CCDC27: variants seen among roughly 807,000 people sequenced by gnomAD.
The protein encoded by CCDC27 is coiled-coil domain-containing protein 27.
CCDC27 carries 80 observed loss-of-function variants against 80.3 expected under a neutral mutation model. The observed-to-expected ratio is 1.00, with a 90% CI of 0.83 to 1.20. CCDC27 has a LOEUF of 1.20. CCDC27 is among the 50% of genes most tolerant of loss of function. CCDC27 has a pLI of 0.00. For missense variants in CCDC27, 815 were observed against 809.4 expected, an observed-to-expected ratio of 1.01 and a Z score of -0.08; for synonymous variants, 342 against 334.3, an observed-to-expected ratio of 1.02 and a Z score of -0.25.
Position 3,769,662 on chromosome 1 carries a change from A to G in CCDC27, c.1744-121A>G, listed in dbSNP as rs886580062. The G allele has an allele frequency of 4.2e-6, 3 of 710,430 alleles. No homozygotes were observed. The highest frequency in any genetic ancestry group is 7.7e-6 in the Non-Finnish European group (3 of 389,982). 44.0% of individuals were successfully genotyped at this position (710,430 alleles called of 1,614,324 possible). A position where few individuals can be genotyped will look rare whatever the true frequency, so the allele number is the denominator to read the frequency against. On this transcript the variant is annotated intron_variant, in intron 10 of 11. Transcript: ENST00000294600. The surrounding 1 kb of genome is among the most constrained non-coding windows in gnomAD (Gnocchi z 4.6). Reference sequence around the variant, plus strand: ...CCTGTTTCCAGTTTCTAAAGCCATGAAAAGTGAGGGTGAGCTGTTCCTTCC... The same window carrying G: ...CCTGTTTCCAGTTTCTAAAGCCATGGAAAGTGAGGGTGAGCTGTTCCTTCC...
chr1:3,752,523 G>T lies in CCDC27; in HGVS notation c.42G>T (p.Leu14=), dbSNP rs1642844691. Residue 14 remains leucine (L), a synonymous_variant, in exon 1 of 12, where the codon CTG becomes CTT. Coordinates refer to ENST00000294600, the MANE Select transcript of CCDC27 (RefSeq NM_152492.3). The part of the protein sequence containing the change: ...AIFPSTPQAR[L]KRDPREKPGL... The stretch of plus-strand genomic sequence containing the variant: ...TCCCCTCCACACCCCAAGCCAGGCT[G>T]AAGAGAGATCCACGGGAAAAGCCGG... The T allele has an allele frequency of 1.9e-6, 3 of 1,614,162 alleles. No individual in the cohort carries two copies. The highest frequency in any genetic ancestry group is 2.5e-6 in the Non-Finnish European group (3 of 1,180,040).
In CCDC27 at chr1:3,761,418, C is replaced by T. The variant is rs2124593507; in HGVS notation, c.849C>T (p.Ser283=). The T allele has an allele frequency of 6.2e-7, 1 of 1,613,734 alleles. No individual in the cohort carries two copies. The highest frequency in any genetic ancestry group is 1.1e-5 in the South Asian group (1 of 91,068). The change falls in exon 5 of 12, where the codon TCC becomes TCT. Residue 283 remains serine, a synonymous_variant. Transcript: ENST00000294600. The surrounding 1 kb of genome is among the most constrained non-coding windows in gnomAD (Gnocchi z 5.0). ...GCAAAGGCCAAGAGACATCCATGTC[C>T]CCAGGCAGGAGGGTGAGCCAGCCCC... The part of the protein sequence containing the change: ...LKGKGQETSM[S]PGRREQLSDA...
intron 5 of CCDC27, among the ~76,000 whole-genome samples, chr1:3,762,078 C>T (rs1413751940): frequency 6.6e-6 from 1 of 152,108 alleles, no homozygotes; most frequent in South Asian, 2.1e-4. Context: ...TGCCCAGGGG[C>T]GGTCACCTGA....
chr1:3,761,678 C>T lies in CCDC27; in HGVS notation c.861+248C>T, dbSNP rs537602696. Among the ~76,000 whole-genome samples the T allele has an allele frequency of 3.3e-5, 5 of 152,018 alleles. No homozygotes were observed. The highest frequency in any genetic ancestry group is 6.6e-5 in the Admixed American group (1 of 15,262). On this transcript the variant is annotated intron_variant, in intron 5 of 11. Coordinates refer to ENST00000294600, the MANE Select transcript of CCDC27 (RefSeq NM_152492.3). This position sits in a 1 kb window ranked among gnomAD's most constrained non-coding sequence, Gnocchi z 5.0. Reference sequence around the variant, plus strand: ...CAGGGGGGGGAGAGATGAATGGAGGCGCAAAATGACAAATGAGAGCCGTGA... The same window carrying T: ...CAGGGGGGGGAGAGATGAATGGAGGTGCAAAATGACAAATGAGAGCCGTGA...
chr1:3,767,236 G>C lies in CCDC27; in HGVS notation c.1534G>C (p.Val512Leu), dbSNP rs757531087. ...EKDNQLLRQQ[V>L]SELERKLTKR... ...TTTTCTCCCCGGCTGTCCCCAGCAA[G>C]TGTCGGAACTGGAGAGAAAGCTCAC... The change falls in exon 10 of 12, where the codon GTG becomes CTG. Residue 512 changes from valine (V) to leucine (L), a missense_variant. Val to Leu is a conservative substitution (Grantham distance 32, BLOSUM62 1). Transcript: ENST00000294600. 1 of 1,613,804 alleles carries C rather than the reference G, an allele frequency of 6.2e-7. No individual in the cohort carries two copies. Among genetic ancestry groups the C allele is most frequent in the Non-Finnish European group, 8.5e-7 (1 of 1,179,868 alleles).
intron 3 of CCDC27, chr1:3,756,507 T>A (rs1292529137): frequency 4.3e-6 from 2 of 468,266 alleles, no homozygotes; most frequent in Non-Finnish European, 7.8e-6. Flanking sequence ...CTGCACTCCC[T>A]CAGCACGCGC....
At chr1:3,762,395 G>T (rs1428756241) in intron 5 of CCDC27, among the ~76,000 whole-genome samples, 1 of 152,158 alleles carries the variant, frequency 6.6e-6, no homozygotes, top group Non-Finnish European at 1.5e-5. Context: ...GCTGGGGGCT[G>T]CTCTGGGGGT....
Position 3,755,642 on chromosome 1 carries a change from T to A in CCDC27, c.553+75T>A. ...CGAGGCCTGCTTCTTGCAGGGTCGC[T>A]GCTTGTGCCCTGCGGAATTCCCTCC... On this transcript the variant is annotated intron_variant, in intron 3 of 11. Coordinates refer to ENST00000294600, the MANE Select transcript of CCDC27 (RefSeq NM_152492.3). 3.2e-6 allele frequency: 4 copies of A among 1,261,076 alleles called. No homozygotes were observed. In the South Asian group the frequency reaches 4.8e-5, roughly 15 times the overall value. The allele number at this position is 1,261,076 out of a possible 1,614,324, so 78.1% of individuals were successfully genotyped here. A position where few individuals can be genotyped will look rare whatever the true frequency, so the allele number is the denominator to read the frequency against.
At position 3,763,019 on chromosome 1, in the gene CCDC27, T is replaced by A; in HGVS notation, c.955-89T>A. The A allele has an allele frequency of 7.1e-7, 1 of 1,402,114 alleles. No homozygotes were observed. Among genetic ancestry groups the A allele is most frequent in the Non-Finnish European group, 9.3e-7 (1 of 1,070,340 alleles). 86.9% of individuals were successfully genotyped at this position (1,402,114 alleles called of 1,614,324 possible). A position where few individuals can be genotyped will look rare whatever the true frequency, so the allele number is the denominator to read the frequency against. On this transcript the variant is annotated intron_variant, in intron 6 of 11. Coordinates refer to ENST00000294600, the MANE Select transcript of CCDC27 (RefSeq NM_152492.3). The surrounding 1 kb of genome is among the most constrained non-coding windows in gnomAD (Gnocchi z 7.5). ...TGCAGCAGCCTGGAAGGAGGCGCCC[T>A]CCCCGGTGCCCCCGCCATGAGCATT...
chr1:3,761,325 C>T lies in CCDC27; in HGVS notation c.756C>T (p.Asp252=), dbSNP rs777553154. 2.7e-5 allele frequency: 44 copies of T among 1,613,998 alleles called. 2 individuals are homozygous for T. The South Asian group carries it at 3.4e-4, about 12-fold the overall frequency. The change falls in exon 5 of 12, where the codon GAC becomes GAT. Residue 252 remains aspartate (D), a synonymous_variant. Transcript: ENST00000294600. The surrounding 1 kb of genome is among the most constrained non-coding windows in gnomAD (Gnocchi z 5.0). ...SELEIQVQKK[D]EEILLLQEER... The stretch of plus-strand genomic sequence containing the variant: ...TGGAGATACAGGTTCAGAAGAAAGA[C>T]GAGGAGATCCTGCTGCTCCAGGAGG...
chr1:3,762,514 T>TC, intron 5 of CCDC27, 106 bp from the exon 6 acceptor site: 3 of 860,868 alleles, frequency 3.5e-6, no homozygotes, highest in Non-Finnish European at 5.4e-6. Context: ...GCAGGTCCCC[T>TC]CCCCAGACAT....
chr1:3,766,086 A>G lies in CCDC27; in HGVS notation c.1453-449A>G, dbSNP rs1643221171. Among the ~76,000 whole-genome samples the G allele has an allele frequency of 6.6e-6, 1 of 152,082 alleles. No individual in the cohort carries two copies. The highest frequency in any genetic ancestry group is 6.6e-5 in the Admixed American group (1 of 15,262). Reference sequence around the variant, plus strand: ...GATCTATGTTACCCACGCTTCTCTCAAATTCCCGACCTCAAGTGATCCACC... The same window carrying G: ...GATCTATGTTACCCACGCTTCTCTCGAATTCCCGACCTCAAGTGATCCACC... On this transcript the variant is annotated intron_variant, in intron 8 of 11. Coordinates refer to ENST00000294600, the MANE Select transcript of CCDC27 (RefSeq NM_152492.3). This position sits in a 1 kb window ranked among gnomAD's most constrained non-coding sequence, Gnocchi z 6.1.
chr1:3,771,230 C>A (rs1164360205), intron 11 of CCDC27, among the ~76,000 whole-genome samples, 171 bp from the exon 12 acceptor site: 1 of 152,158 alleles, frequency 6.6e-6, no homozygotes, highest in Non-Finnish European at 1.5e-5. Flanking sequence ...TTTTTCTCCC[C>A]CTGGAGAGCC....
At chr1:3,767,126 A>C (rs1181873) in intron 9 of CCDC27, 107 bp from the exon 10 acceptor site, 414,192 of 990,794 alleles carry the variant, frequency 0.42, 92,798 homozygotes, top group African/African-American at 0.64. Context: ...GGCGTGAGCC[A>C]CTGCACCTGG....
chr1:3,766,470 G>T lies in CCDC27; in HGVS notation c.1453-65G>T. 2 of 1,154,168 alleles carry T rather than the reference G, an allele frequency of 1.7e-6. No individual in the cohort carries two copies. The highest frequency in any genetic ancestry group is 2.4e-5 in the East Asian group (1 of 41,948). The allele number at this position is 1,154,168 out of a possible 1,614,324, so 71.5% of individuals were successfully genotyped here. A position where few individuals can be genotyped will look rare whatever the true frequency, so the allele number is the denominator to read the frequency against. The stretch of plus-strand genomic sequence containing the variant: ...CTTTGGGGAAGGAAAAAAGTTAGAT[G>T]CCGGAATTCAGTCTGTTATCTAAAC... On this transcript the variant is annotated intron_variant, in intron 8 of 11. Coordinates refer to ENST00000294600, the MANE Select transcript of CCDC27 (RefSeq NM_152492.3). This position sits in a 1 kb window ranked among gnomAD's most constrained non-coding sequence, Gnocchi z 6.1.
At chr1:3,770,345 T>C (rs990521230) in intron 11 of CCDC27, among the ~76,000 whole-genome samples, 2 of 151,898 alleles carry the variant, frequency 1.3e-5, no homozygotes, top group African/African-American at 4.8e-5. Context: ...TGACCAGGGG[T>C]CCCCAAGCAA....
intron 3 of CCDC27, 181 bp from the exon 4 acceptor site, chr1:3,756,552 C>T: frequency 3.3e-6 from 2 of 610,354 alleles, no homozygotes; most frequent in Non-Finnish European, 5.7e-6. Context: ...GTGTTCACAG[C>T]AGCACCACAC....
chr1:3,762,729 G>C lies in CCDC27; in HGVS notation c.954+17G>C. 6.5e-7 allele frequency: 1 copy of C among 1,546,364 alleles called. No individual in the cohort carries two copies. Among genetic ancestry groups the C allele is most frequent in the Non-Finnish European group, 8.7e-7 (1 of 1,144,736 alleles). On this transcript the variant is annotated intron_variant, in intron 6 of 11. Coordinates refer to ENST00000294600, the MANE Select transcript of CCDC27 (RefSeq NM_152492.3). ...TGGTGGCAGGTGCGGGCCGCCTGGA[G>C]AGCAGGCACGCAGTGGGGGACCCGG...
rs201366792 is a variant in CCDC27 at position 3,763,515 on chromosome 1, T to C, written c.1321+41T>C. 6 of 1,556,386 alleles carry C rather than the reference T, an allele frequency of 3.9e-6. No homozygotes were observed. Among genetic ancestry groups the C allele is most frequent in the Non-Finnish European group, 5.2e-6 (6 of 1,150,736 alleles). On this transcript the variant is annotated intron_variant, in intron 7 of 11. Transcript: ENST00000294600. This position sits in a 1 kb window ranked among gnomAD's most constrained non-coding sequence, Gnocchi z 7.5. ...GGGGCACTGGGCTTTGGCCACTCAG[T>C]GGTTCCCGGCCCAGGAGCTGGGACG...
Sources: gnomAD v4.1 joint callset for allele counts (sites outside exome capture counted in the v4.1 genomes callset) on GRCh38, gnomAD v4.1.1 for gene constraint, Gnocchi (gnomAD v3.1) non-coding constraint, MANE v1.5 for transcripts, NCBI Gene and HGNC (gene_info 2026-07-23, HGNC 2026-07-21) for gene names.